PHF14: variants seen among roughly 807,000 people sequenced by gnomAD.
PHF14 encodes the protein PHD finger protein 14.
Under a neutral mutation model 117.9 loss-of-function variants are expected in PHF14, and 55 were observed. The observed-to-expected ratio is 0.47, with a 90% CI of 0.38 to 0.58. PHF14 has a LOEUF of 0.58. PHF14 is among the 20% of genes least tolerant of loss of function. The pLI is 0.00. For missense variants in PHF14, 978 were observed against 1,122.2 expected, an observed-to-expected ratio of 0.87 and a Z score of 1.84; for synonymous variants, 409 against 368.6, an observed-to-expected ratio of 1.11 and a Z score of -1.26.
intron 14 of PHF14, among the ~76,000 whole-genome samples, chr7:11,056,413 A>G (rs1265921418): frequency 6.6e-6 from 1 of 152,048 alleles, no homozygotes; most frequent in Non-Finnish European, 1.5e-5. Context: ...ATTTCAGTTT[A>G]TAGTAGTTAA....
At chr7:10,996,405 T>G (rs1782646351) in intron 4 of PHF14, among the ~76,000 whole-genome samples, 1 of 152,182 alleles carries the variant, frequency 6.6e-6, no homozygotes, top group Non-Finnish European at 1.5e-5. Flanking sequence ...AAAGTCATCC[T>G]AGTACTTTAG....
At chr7:11,037,196 G>C (rs939888313) in intron 10 of PHF14, 105 bp downstream of exon 10, 44 of 1,014,452 alleles carry the variant, frequency 4.3e-5, no homozygotes, top group Middle Eastern at 6.8e-4. Context: ...ATTTCTTCTG[G>C]AGCTCTTTGG....
At chr7:11,090,968 T>C (rs964286248) in intron 16 of PHF14, among the ~76,000 whole-genome samples, 7 of 152,146 alleles carry the variant, frequency 4.6e-5, no homozygotes, top group South Asian at 2.1e-4. Context: ...ATATGAGTCA[T>C]GTGTGATGTA....
chr7:11,151,900 C>T (rs6955372), intron 17 of PHF14, among the ~76,000 whole-genome samples: 3,077 of 152,258 alleles, frequency 0.02, 101 homozygotes, highest in African/African-American at 0.07. Context: ...TCCTCAGAAG[C>T]TGATCCTTGT....
chr7:11,077,221 A>C (rs1785894753), intron 16 of PHF14, among the ~76,000 whole-genome samples: 1 of 152,076 alleles, frequency 6.6e-6, no homozygotes, highest in Non-Finnish European at 1.5e-5. Flanking sequence ...TTATAAATTG[A>C]AGAAACCTCT....
chr7:11,047,346 C>T (rs945263531), intron 13 of PHF14, among the ~76,000 whole-genome samples: 1 of 151,954 alleles, frequency 6.6e-6, no homozygotes. Flanking sequence ...GGATTACAGG[C>T]GTGAGCTACT....
intron 4 of PHF14, among the ~76,000 whole-genome samples, chr7:10,995,856 C>A (rs528522086): frequency 6.6e-6 from 1 of 152,216 alleles, no homozygotes; most frequent in South Asian, 2.1e-4. Flanking sequence ...ACCCGGAACT[C>A]GCGCTGGCCC....
chr7:10,981,271 A>C (rs1782035415), intron 2 of PHF14, among the ~76,000 whole-genome samples: 1 of 152,178 alleles, frequency 6.6e-6, no homozygotes, highest in Non-Finnish European at 1.5e-5. Context: ...TCTTGGCTAT[A>C]GGTGCAAAAA....
chr7:11,004,246 C>CAAAAAAAAAAA (rs55917513), intron 4 of PHF14, among the ~76,000 whole-genome samples: 532 of 50,266 alleles, frequency 0.011, no homozygotes, highest in Non-Finnish European at 0.012. Context: ...GACTTTGTCT[C>CAAAAAAAAAAA]AAAAAAAAAA....
At chr7:11,119,063 C>T (rs982682732) in intron 17 of PHF14, among the ~76,000 whole-genome samples, 1 of 151,776 alleles carries the variant, frequency 6.6e-6, no homozygotes, top group Admixed American at 6.6e-5. Context: ...AAGCCATTTT[C>T]TAAGTGGCAT....
intron 4 of PHF14, among the ~76,000 whole-genome samples, chr7:10,997,498 C>T (rs1449305705): frequency 6.6e-6 from 1 of 152,180 alleles, no homozygotes; most frequent in East Asian, 1.9e-4. Flanking sequence ...CAGCTTAAAA[C>T]AACAAACATT....
Position 11,166,376 on chromosome 7 carries a change from A to G in PHF14, c.2773-3040A>G, listed in dbSNP as rs561588590. Among the ~76,000 whole-genome samples, 69 of 151,824 alleles carry G rather than the reference A, an allele frequency of 4.5e-4. No homozygotes were observed. In the South Asian group the frequency reaches 6.4e-3, roughly 14 times the overall value. ...TATCAGAAGAAATTTTTGCTTACCT[A>G]TAATATCCAGTAGTAAAGAAATGCT... On this transcript the variant is annotated intron_variant, in intron 17 of 17. Transcript: ENST00000634607.
intron 16 of PHF14, among the ~76,000 whole-genome samples, chr7:11,079,773 T>G (rs936919204): frequency 1.3e-5 from 2 of 152,150 alleles, no homozygotes; most frequent in Admixed American, 6.5e-5. Context: ...TTTAGCTGTA[T>G]TATCAAAAAT....
intron 17 of PHF14, among the ~76,000 whole-genome samples, chr7:11,119,197 G>T (rs182423074): frequency 6.6e-6 from 1 of 151,666 alleles, no homozygotes; most frequent in Non-Finnish European, 1.5e-5. Context: ...TTTAAAAGTC[G>T]CAAACCTCAT....
chr7:11,064,495 A>G (rs1048945693), intron 16 of PHF14, among the ~76,000 whole-genome samples: 2 of 151,918 alleles, frequency 1.3e-5, no homozygotes, highest in African/African-American at 4.8e-5. Context: ...ATGGGTCACA[A>G]TTAGTCTTTT....
intron 11 of PHF14, among the ~76,000 whole-genome samples, chr7:11,039,742 G>A (rs114528204): frequency 3.3e-5 from 5 of 152,264 alleles, no homozygotes; most frequent in African/African-American, 1.2e-4. Flanking sequence ...CAGCTTTGAA[G>A]ATGCTTTATG....
At chr7:11,030,888 G>A (rs1764078680) in intron 7 of PHF14, among the ~76,000 whole-genome samples, 1 of 152,102 alleles carries the variant, frequency 6.6e-6, no homozygotes, top group African/African-American at 2.4e-5. Context: ...AATTCTAAAT[G>A]TTTTCTGAAC....
intron 2 of PHF14, among the ~76,000 whole-genome samples, chr7:10,979,586 T>G (rs1295762688): frequency 1.4e-5 from 2 of 147,282 alleles, no homozygotes; most frequent in African/African-American, 2.5e-5. Context: ...TAGCACAGAG[T>G]CATTCTTTGA....
intron 7 of PHF14, among the ~76,000 whole-genome samples, chr7:11,029,873 G>A (rs865867598): frequency 2.6e-5 from 4 of 151,640 alleles, no homozygotes; most frequent in Non-Finnish European, 4.4e-5. Context: ...CTTTTATTGG[G>A]TAAATTTTGT....
Sources: gnomAD v4.1 joint callset for allele counts (sites outside exome capture counted in the v4.1 genomes callset) on GRCh38, gnomAD v4.1.1 for gene constraint, MANE v1.5 for transcripts, NCBI Gene and HGNC (gene_info 2026-07-23, HGNC 2026-07-21) for gene names.